Variants in FGGY observed in about 807,000 individuals in gnomAD.
The protein encoded by FGGY is FGGY carbohydrate kinase domain containing.
FGGY carries 72 observed loss-of-function variants against 71.3 expected under a neutral mutation model. That is an observed-to-expected ratio of 1.01 (90% CI 0.84 to 1.23). The LOEUF is 1.23. Among genes scored for constraint, FGGY ranks in the 50% most tolerant of loss-of-function variants. The probability of loss-of-function intolerance (pLI) is 0.00; values close to 1 mark genes in which losing one functional copy is unlikely to be tolerated. For synonymous variants in FGGY, 251 were observed against 250.3 expected, an observed-to-expected ratio of 1.00 and a Z score of -0.02; for missense variants, 668 against 682.3, an observed-to-expected ratio of 0.98 and a Z score of 0.23.
intron 9 of FGGY, among the ~76,000 whole-genome samples, chr1:59,619,808 T>A (rs2096790994): frequency 6.6e-6 from 1 of 152,054 alleles, no homozygotes; most frequent in Admixed American, 6.6e-5. Flanking sequence ...TGTTGCTGAT[T>A]GTTAACTGGG....
intron 14 of FGGY, among the ~76,000 whole-genome samples, chr1:59,702,447 G>A (rs972349954): frequency 2.0e-5 from 3 of 152,118 alleles, no homozygotes; most frequent in Non-Finnish European, 4.4e-5. Flanking sequence ...TTATTGTAGG[G>A]ATGGCTTTAT....
intron 5 of FGGY, among the ~76,000 whole-genome samples, chr1:59,380,485 A>G (rs1167751403): frequency 1.3e-5 from 2 of 151,596 alleles, no homozygotes; most frequent in Non-Finnish European, 2.9e-5. Flanking sequence ...AAAGATCGCC[A>G]TCCTAACTGG....
intron 5 of FGGY, among the ~76,000 whole-genome samples, chr1:59,413,979 G>A (rs1367149596): frequency 6.6e-6 from 1 of 152,162 alleles, no homozygotes; most frequent in Admixed American, 6.6e-5. Flanking sequence ...CCAAAAAACA[G>A]ATTTGGCAGT....
intron 8 of FGGY, among the ~76,000 whole-genome samples, chr1:59,564,793 G>T (rs966266615): frequency 6.6e-6 from 1 of 152,188 alleles, no homozygotes; most frequent in Non-Finnish European, 1.5e-5. Flanking sequence ...AGGGATATCT[G>T]GCCCCATGTT....
In FGGY at chr1:59,748,498, A is replaced by C. The variant is rs1031718865; in HGVS notation, c.1513-9433A>C. Among the ~76,000 whole-genome samples the C allele has an allele frequency of 6.6e-5, 10 of 152,294 alleles. No individual in the cohort carries two copies. In the South Asian group the frequency reaches 8.3e-4, roughly 13 times the overall value. On this transcript the variant is annotated intron_variant, in intron 14 of 15. Coordinates refer to ENST00000303721, the MANE Select transcript of FGGY (RefSeq NM_018291.5). ...TTCAGAAAGGCCTTAGGCAGGAGGA[A>C]GGTTGGCATGTTCAGCCAGCAGCAA...
chr1:59,350,280 A>T (rs925202510), intron 4 of FGGY, among the ~76,000 whole-genome samples: 4 of 152,186 alleles, frequency 2.6e-5, no homozygotes, highest in Non-Finnish European at 5.9e-5. Flanking sequence ...TGAGCAGCAC[A>T]CAGTCCACTA....
At chr1:59,481,460 G>A (rs139922589) in intron 6 of FGGY, among the ~76,000 whole-genome samples, 51 of 152,042 alleles carry the variant, frequency 3.4e-4, no homozygotes, top group Admixed American at 3.3e-3. Context: ...CTTCCTGAAT[G>A]CATGTCCCTA....
chr1:59,610,625 A>G (rs867639286), intron 9 of FGGY, among the ~76,000 whole-genome samples: 48 of 152,166 alleles, frequency 3.2e-4, no homozygotes, highest in African/African-American at 1.1e-3. Context: ...TCCAGCTGAG[A>G]TACTGGGTTC....
In FGGY at chr1:59,757,692, A is replaced by C. The variant is rs557014504; in HGVS notation, c.1513-239A>C. On this transcript the variant is annotated intron_variant, in intron 14 of 15. Coordinates refer to ENST00000303721, the MANE Select transcript of FGGY (RefSeq NM_018291.5). ...GTTTATGCCCCAGAGGCCTCAATAC[A>C]CAAGTATTTATTAAGCCCAGGAGGT... is the stretch of plus-strand genomic sequence containing the variant. Among the ~76,000 whole-genome samples the C allele has an allele frequency of 2.4e-4, 37 of 152,318 alleles. 1 individual carries two copies. The South Asian group carries it at 7.3e-3, about 30-fold the overall frequency.
chr1:59,606,468 A>T (rs1181811076), intron 8 of FGGY, among the ~76,000 whole-genome samples: 2 of 152,246 alleles, frequency 1.3e-5, no homozygotes, highest in Non-Finnish European at 1.5e-5. Context: ...AGTGCAGTTT[A>T]TGAAGCATTA....
intron 6 of FGGY, among the ~76,000 whole-genome samples, chr1:59,494,420 G>T (rs1037341654): frequency 6.6e-6 from 1 of 152,122 alleles, no homozygotes; most frequent in Admixed American, 6.5e-5. Flanking sequence ...TGGGAATAAG[G>T]TTGGCATGTT....
chr1:59,727,171 C>G (rs2097957632), intron 14 of FGGY, among the ~76,000 whole-genome samples: 1 of 152,162 alleles, frequency 6.6e-6, no homozygotes, highest in Non-Finnish European at 1.5e-5. Context: ...CATTAATTTG[C>G]ATAGGATAAT....
chr1:59,542,618 G>A (rs1397792968), intron 7 of FGGY, among the ~76,000 whole-genome samples: 2 of 151,606 alleles, frequency 1.3e-5, no homozygotes, highest in Admixed American at 6.6e-5. Context: ...CACCACGCCC[G>A]GCTAATTTTG....
intron 8 of FGGY, among the ~76,000 whole-genome samples, chr1:59,569,103 A>T (rs547424856): frequency 6.6e-6 from 1 of 152,188 alleles, no homozygotes; most frequent in Non-Finnish European, 1.5e-5. Context: ...TATGACAGCT[A>T]GGATTTATTA....
At chr1:59,573,839 T>C (rs12733074) in intron 8 of FGGY, among the ~76,000 whole-genome samples, 1 of 152,206 alleles carries the variant, frequency 6.6e-6, no homozygotes, top group Non-Finnish European at 1.5e-5. Context: ...ATGGATTACA[T>C]TTTTCTTCTG....
At chr1:59,343,031 A>G (rs1196955798) in intron 3 of FGGY, among the ~76,000 whole-genome samples, 2 of 152,182 alleles carry the variant, frequency 1.3e-5, no homozygotes, top group African/African-American at 4.8e-5. Flanking sequence ...CCTTACCCTG[A>G]TTGTGTCATC....
At position 59,491,040 on chromosome 1, in the gene FGGY, TTCC is replaced by T. The variant is rs1478263660; in HGVS notation, c.671-21269_671-21267del. Among the ~76,000 whole-genome samples, 21 of 4,804 alleles carry T rather than the reference TTCC, an allele frequency of 4.4e-3. 3 individuals are homozygous for T. The highest frequency in any genetic ancestry group is 6.7e-3 in the African/African-American group (5 of 744). The allele number at this position is 4,804 out of a possible 152,430, so 3.2% of individuals were successfully genotyped here. On this transcript the variant is annotated intron_variant, in intron 6 of 15. Transcript: ENST00000303721. ...TTTCCTTTCCTTTCCTTTCCTTTCCTTCCTTCCTTCCTTCCTTCCTTCCTTCCT... is the reference window on the plus strand; with the variant it reads ...TTTCCTTTCCTTTCCTTTCCTTTCCTTTCCTTCCTTCCTTCCTTCCTTCCT...
intron 8 of FGGY, among the ~76,000 whole-genome samples, chr1:59,578,015 A>G (rs908016897): frequency 3.3e-5 from 5 of 152,170 alleles, no homozygotes; most frequent in Non-Finnish European, 7.4e-5. Context: ...AGCTTGCTAA[A>G]AGATTGTGAA....
intron 6 of FGGY, among the ~76,000 whole-genome samples, chr1:59,462,521 A>G (rs776090532): frequency 6.6e-6 from 1 of 152,208 alleles, no homozygotes; most frequent in Non-Finnish European, 1.5e-5. Flanking sequence ...GTGAACAGGC[A>G]ACCCACAAAA....
Sources: gnomAD v4.1 joint callset for allele counts (sites outside exome capture counted in the v4.1 genomes callset) on GRCh38, gnomAD v4.1.1 for gene constraint, MANE v1.5 for transcripts, NCBI Gene and HGNC (gene_info 2026-07-23, HGNC 2026-07-21) for gene names.